LRRK2: variants seen among roughly 807,000 people sequenced by gnomAD.
LRRK2 encodes the protein leucine-rich repeat serine/threonine-protein kinase 2.
LRRK2 carries 203 observed loss-of-function variants against 302.6 expected under a neutral mutation model. That is an observed-to-expected ratio of 0.67 (90% CI 0.60 to 0.75). The LOEUF is 0.75. Among genes scored for constraint, LRRK2 ranks in the 30% least tolerant of loss-of-function variants. The probability of loss-of-function intolerance (pLI) is 0.00; values close to 1 mark genes in which losing one functional copy is unlikely to be tolerated. For missense variants in LRRK2, 2,830 were observed against 2,951.0 expected, an observed-to-expected ratio of 0.96 and a Z score of 0.95; for synonymous variants, 1,066 against 1,031.9, an observed-to-expected ratio of 1.03 and a Z score of -0.63.
chr12:40,310,408 G>C (rs747503595), intron 30 of LRRK2, 23 bp from the exon 31 acceptor site: 1 of 1,608,376 alleles, frequency 6.2e-7, no homozygotes, highest in Non-Finnish European at 8.5e-7. Flanking sequence ...AAACACAAGA[G>C]GGTTTTGTGT....
intron 4 of LRRK2, 115 bp from the exon 5 acceptor site, chr12:40,237,854 C>A: frequency 1.8e-6 from 2 of 1,095,784 alleles, no homozygotes; most frequent in Non-Finnish European, 1.3e-6. Context: ...AACAAGAAAA[C>A]CATGGGTCTA....
At chr12:40,359,059 T>C (rs1212197860) in intron 46 of LRRK2, among the ~76,000 whole-genome samples, 1 of 152,168 alleles carries the variant, frequency 6.6e-6, no homozygotes, top group Admixed American at 6.6e-5. Context: ...GATTTCTGTA[T>C]GTTGATTTTG....
intron 18 of LRRK2, among the ~76,000 whole-genome samples, chr12:40,279,251 A>G (rs1198860316): frequency 8.5e-6 from 1 of 118,190 alleles, no homozygotes; most frequent in Non-Finnish European, 2.0e-5. Context: ...TAATATCCCT[A>G]CTGTATTTAA....
At chr12:40,310,670 A>T in intron 31 of LRRK2, 21 bp downstream of exon 31, 1 of 1,608,530 alleles carries the variant, frequency 6.2e-7, no homozygotes, top group Non-Finnish European at 8.5e-7. Flanking sequence ...AGGCTGGTAG[A>T]GAAATGTAAT....
At chr12:40,348,026 T>C (rs1946245139) in intron 42 of LRRK2, among the ~76,000 whole-genome samples, 1 of 152,164 alleles carries the variant, frequency 6.6e-6, no homozygotes, top group Non-Finnish European at 1.5e-5. Context: ...AAAACAAATG[T>C]GCACAAACCA....
Position 40,225,276 on chromosome 12 carries a change from G to A in LRRK2, c.145G>A (p.Glu49Lys), listed in dbSNP as rs781237537. Residue 49 changes from glutamate (E) to lysine (K), a missense_variant, in exon 1 of 51, where the codon GAG (glutamate) becomes AAG (lysine). This residue lies in a region of LRRK2 where 2,121 missense variants were observed against 2,148.0 expected (regional missense o/e 0.99). Transcript: ENST00000298910. ...LEDLLVFTYS[E>K]RASKLFQGKN... ...GGATCTGCTGGTGTTCACGTACTCC[G>A]AGCGCGGTAATCACTTGAAAATAAA... 6.2e-7 allele frequency: 1 copy of A among 1,614,078 alleles called. No homozygotes were observed. Among genetic ancestry groups the A allele is most frequent in the South Asian group, 1.1e-5 (1 of 91,062 alleles).
chr12:40,243,050 T>G (rs1415377705), intron 6 of LRRK2, among the ~76,000 whole-genome samples: 1 of 151,488 alleles, frequency 6.6e-6, no homozygotes, highest in Non-Finnish European at 1.5e-5. Context: ...ACCAACAAGA[T>G]TAAACAACGT....
rs750729077 is a variant in LRRK2, at chr12:40,287,549, A to G, written c.2689+10A>G. 9 of 1,607,234 alleles carry G rather than the reference A, an allele frequency of 5.6e-6. No homozygotes were observed. Among genetic ancestry groups the G allele is most frequent in the Middle Eastern group, 1.7e-4 (1 of 6,050 alleles). On this transcript the variant is annotated intron_variant, in intron 20 of 50. Coordinates refer to ENST00000298910, the MANE Select transcript of LRRK2 (RefSeq NM_198578.4). ...GACCTGGATAGTGAAGGTATTTATT[A>G]TAAAAAAAAACCCTTTATGCTTTAT... is the stretch of plus-strand genomic sequence containing the variant.
At chr12:40,291,941 A>T (rs897309697) in intron 20 of LRRK2, among the ~76,000 whole-genome samples, 92 of 152,236 alleles carry the variant, frequency 6.0e-4, no homozygotes, top group African/African-American at 2.2e-3. Flanking sequence ...TAATTTTTTA[A>T]ATAAAGTAAC....
intron 46 of LRRK2, among the ~76,000 whole-genome samples, chr12:40,357,298 C>T (rs967189161): frequency 2.6e-5 from 4 of 152,098 alleles, no homozygotes; most frequent in East Asian, 1.9e-4. Flanking sequence ...AATAGTATTC[C>T]GTTATGTAAA....
chr12:40,274,473 C>CTGATTTATATTTGGATTACT (rs1352909763), intron 14 of LRRK2, 110 bp from the exon 15 acceptor site: 7 of 1,129,634 alleles, frequency 6.2e-6, no homozygotes, highest in Non-Finnish European at 9.1e-6. Context: ...ATCAAGGATA[C>CTGATTTATATTTGGATTACT]TGATTTATAT....
chr12:40,344,489 T>A (rs1946135159), intron 41 of LRRK2, among the ~76,000 whole-genome samples: 1 of 152,226 alleles, frequency 6.6e-6, no homozygotes, highest in South Asian at 2.1e-4. Context: ...TTGACTTTGC[T>A]GTTCATTATC....
intron 2 of LRRK2, among the ~76,000 whole-genome samples, chr12:40,231,614 G>T (rs1941199031): frequency 6.8e-6 from 1 of 147,280 alleles, no homozygotes; most frequent in Non-Finnish European, 1.5e-5. Flanking sequence ...AAGTACTAAG[G>T]ATCTGGTATA....
chr12:40,290,416 A>G (rs1024075862), intron 20 of LRRK2, among the ~76,000 whole-genome samples: 11 of 152,058 alleles, frequency 7.2e-5, no homozygotes, highest in African/African-American at 2.7e-4. Flanking sequence ...TCTTGAAATG[A>G]ATTGGGAAGT....
chr12:40,288,043 G>A (rs17491013), intron 20 of LRRK2, among the ~76,000 whole-genome samples: 1,796 of 151,866 alleles, frequency 0.012, 42 homozygotes, highest in African/African-American at 0.041. Flanking sequence ...AAATTAATAT[G>A]GTGAAATATA....
In LRRK2 at chr12:40,299,164, A is replaced by T; in HGVS notation, c.3403A>T (p.Asn1135Tyr). 4 of 1,613,536 alleles carry T rather than the reference A, an allele frequency of 2.5e-6. No individual in the cohort carries two copies. Residue 1135 changes from asparagine (N) to tyrosine (Y), a missense_variant, in exon 25 of 51, where the codon AAC becomes TAC. Asn to Tyr is a moderately radical substitution (Grantham distance 143). Transcript: ENST00000298910. ...GAGACTGAAGGAACTGAAGATTTTA[A>T]ACCTTAGTAAGAACCACATTTCATC... ...PLRLKELKIL[N>Y]LSKNHISSLS... is the part of the protein sequence containing the mutation.
chr12:40,363,670 C>A, intron 48 of LRRK2, 116 bp downstream of exon 48: 2 of 1,194,298 alleles, frequency 1.7e-6, no homozygotes, highest in Admixed American at 2.4e-5. Context: ...TTTTAAAATG[C>A]AGAAAAAAAT....
intron 38 of LRRK2, among the ~76,000 whole-genome samples, chr12:40,327,777 GAGA>G (rs944412935): frequency 9.9e-5 from 15 of 152,196 alleles, no homozygotes; most frequent in Admixed American, 3.9e-4. Flanking sequence ...AGTGGAAATG[GAGA>G]AGAAGGGAAT....
At chr12:40,242,804 CAAAA>C (rs35987733) in intron 6 of LRRK2, among the ~76,000 whole-genome samples, 3 of 20,024 alleles carry the variant, frequency 1.5e-4, no homozygotes, top group Admixed American at 1.1e-3. Context: ...TTCTCCACAT[CAAAA>C]AAAAAAAAAG....
Sources: allele counts gnomAD v4.1 joint callset (sites outside exome capture counted in the v4.1 genomes callset), GRCh38; gene constraint gnomAD v4.1.1; regional missense constraint gnomAD v4.1.1; transcripts MANE v1.5; gene names NCBI Gene and HGNC (gene_info 2026-07-23, HGNC 2026-07-21).